The following CDC5L variants were observed in gnomAD, a reference collection of about 807,000 sequenced individuals.
CDC5L encodes the protein cell division cycle 5-like protein.
CDC5L carries 18 observed loss-of-function variants against 104.1 expected under a neutral mutation model. The observed-to-expected ratio is 0.17, with a 90% confidence interval of 0.12 to 0.26. The LOEUF is 0.26. Ranked by LOEUF, CDC5L falls within the 10% of genes least tolerant of loss-of-function variation. The pLI is 1.00. For synonymous variants in CDC5L, 331 were observed against 322.7 expected, an observed-to-expected ratio of 1.03 and a Z score of -0.28; for missense variants, 673 against 956.9, an observed-to-expected ratio of 0.70 and a Z score of 3.91.
chr6:44,429,684 A>C, intron 13 of CDC5L, 29 bp from the exon 14 acceptor site: 1 of 1,598,478 alleles, frequency 6.3e-7, no homozygotes, highest in Non-Finnish European at 8.6e-7. Flanking sequence ...TGTAGTACTT[A>C]AACTTATTGA....
In CDC5L at chr6:44,419,355, C is replaced by T. The variant is rs531724983; in HGVS notation, c.1093-94C>T. ...TTCATTGAGAAAATGAGTAAGGATT[C>T]TGCCTGCTTCAAGATTGGTATAGTA... On this transcript the variant is annotated intron_variant, in intron 8 of 15. Coordinates refer to ENST00000371477, the MANE Select transcript of CDC5L (RefSeq NM_001253.4). The T allele has an allele frequency of 3.5e-6, 4 of 1,129,670 alleles. No individual in the cohort carries two copies. In the East Asian group the frequency reaches 7.1e-5, roughly 20 times the overall value. 70.0% of individuals were successfully genotyped at this position (1,129,670 alleles called of 1,614,324 possible). A position where few individuals can be genotyped will look rare whatever the true frequency, so the allele number is the denominator to read the frequency against.
chr6:44,411,579 CCT>C (rs1791625824), intron 8 of CDC5L, among the ~76,000 whole-genome samples: 1 of 149,822 alleles, frequency 6.7e-6, no homozygotes, highest in Admixed American at 6.7e-5. Context: ...GAGTAAAGCC[CCT>C]CTGTTTTTTG....
chr6:44,426,612 C>T lies in CDC5L; in HGVS notation c.1781C>T (p.Pro594Leu), dbSNP rs758055277. Reference protein sequence around the residue: ...HYDLLHHPYEPSGNKKGKTVG... With the variant: ...HYDLLHHPYELSGNKKGKTVG... ...GACCTTCTACATCACCCTTATGAAC[C>T]ATCTGGAAATAAAAAAGGCAAAACT... Residue 594 changes from proline to leucine, a missense_variant, in exon 13 of 16, where the codon CCA (proline) becomes CTA (leucine). This residue lies in a region of CDC5L where 578 missense variants were observed against 737.0 expected (regional missense o/e 0.78). Transcript: ENST00000371477. 1 of 1,613,284 alleles carries T rather than the reference C, an allele frequency of 6.2e-7. No homozygotes were observed. The highest frequency in any genetic ancestry group is 1.3e-5 in the African/African-American group (1 of 74,828).
intron 8 of CDC5L, among the ~76,000 whole-genome samples, chr6:44,408,875 A>G (rs1791499613): frequency 6.6e-6 from 1 of 152,194 alleles, no homozygotes; most frequent in African/African-American, 2.4e-5. Flanking sequence ...TTCTACCTTC[A>G]TTAGTCTTTT....
intron 1 of CDC5L, among the ~76,000 whole-genome samples, chr6:44,388,927 G>A (rs1282409050): frequency 2.5e-5 from 1 of 39,972 alleles, no homozygotes; most frequent in South Asian, 1.3e-3. Flanking sequence ...TTCTAAATTG[G>A]GATAATAATA....
chr6:44,438,363 C>T (rs1214358704), intron 14 of CDC5L, among the ~76,000 whole-genome samples: 1 of 152,124 alleles, frequency 6.6e-6, no homozygotes, highest in Non-Finnish European at 1.5e-5. Flanking sequence ...ACAACTGATA[C>T]CTAGCTTGTG....
At chr6:44,443,255 T>C (rs1456783142) in intron 14 of CDC5L, among the ~76,000 whole-genome samples, 1 of 151,928 alleles carries the variant, frequency 6.6e-6, no homozygotes, top group Non-Finnish European at 1.5e-5. Context: ...TTATACATGG[T>C]GATATGCTTT....
At position 44,412,814 on chromosome 6, in the gene CDC5L, G is replaced by C. The variant is rs564695250; in HGVS notation, c.1092+4182G>C. Among the ~76,000 whole-genome samples, 99 of 113,466 alleles carry C rather than the reference G, an allele frequency of 8.7e-4. 1 individual carries two copies. The highest frequency in any genetic ancestry group is 1.1e-3 in the Non-Finnish European group (66 of 59,364). The allele number at this position is 113,466 out of a possible 152,430, so 74.4% of individuals were successfully genotyped here. A position where few individuals can be genotyped will look rare whatever the true frequency, so the allele number is the denominator to read the frequency against. ...TTTTTTTTTTTTGAGACGGAGTCTC[G>C]CTCTGTCGCCCAGGCTGGAGTGCAG... On this transcript the variant is annotated intron_variant, in intron 8 of 15. Transcript: ENST00000371477.
At chr6:44,411,946 G>C (rs1490762167) in intron 8 of CDC5L, among the ~76,000 whole-genome samples, 1 of 152,212 alleles carries the variant, frequency 6.6e-6, no homozygotes, top group Non-Finnish European at 1.5e-5. Flanking sequence ...TGTTCGGACA[G>C]ACTGGGAAAG....
At chr6:44,399,887 G>A (rs1342441536) in intron 5 of CDC5L, among the ~76,000 whole-genome samples, 2 of 151,982 alleles carry the variant, frequency 1.3e-5, no homozygotes, top group African/African-American at 4.8e-5. Context: ...TCTTGACCTC[G>A]TGATCTGCCT....
chr6:44,428,019 ATC>A (rs766379850), intron 13 of CDC5L, among the ~76,000 whole-genome samples: 19 of 152,132 alleles, frequency 1.2e-4, no homozygotes, highest in African/African-American at 3.1e-4. Flanking sequence ...ATCTGTGTAT[ATC>A]TCTCTTTGTT....
At chr6:44,431,571 T>C (rs1364143623) in intron 14 of CDC5L, among the ~76,000 whole-genome samples, 1 of 152,204 alleles carries the variant, frequency 6.6e-6, no homozygotes, top group East Asian at 1.9e-4. Context: ...GTAAACTCTT[T>C]TTGCCGCAAA....
intron 9 of CDC5L, among the ~76,000 whole-genome samples, chr6:44,420,601 A>C (rs990203357): frequency 6.6e-6 from 1 of 151,452 alleles, no homozygotes; most frequent in Non-Finnish European, 1.5e-5. Context: ...CAGGTAATCC[A>C]CCCGCCTTGG....
intron 2 of CDC5L, among the ~76,000 whole-genome samples, chr6:44,391,164 T>C (rs1261993895): frequency 6.9e-6 from 1 of 145,728 alleles, no homozygotes; most frequent in Non-Finnish European, 1.5e-5. Context: ...ATTTAATATG[T>C]TATATATTGT....
rs150584599 is a variant in CDC5L at position 44,435,943 on chromosome 6, G to C, written c.2091+6033G>C. ...ATTACAGGTGCCTGCCACCACGCTC[G>C]GCTAATTTTTGTATTTTAGTAGAGA... On this transcript the variant is annotated intron_variant, in intron 14 of 15. Coordinates refer to ENST00000371477, the MANE Select transcript of CDC5L (RefSeq NM_001253.4). Among the ~76,000 whole-genome samples the C allele has an allele frequency of 4.7e-3, 716 of 151,952 alleles. 2 individuals carry two copies. Among genetic ancestry groups the C allele is most frequent in the Non-Finnish European group, 7.6e-3 (517 of 67,946 alleles).
intron 5 of CDC5L, among the ~76,000 whole-genome samples, chr6:44,399,392 T>G (rs1791015549): frequency 6.6e-6 from 1 of 152,220 alleles, no homozygotes; most frequent in Admixed American, 6.5e-5. Context: ...CAATAAATTT[T>G]TCAAAATTTC....
At chr6:44,418,143 C>T (rs1337354267) in intron 8 of CDC5L, among the ~76,000 whole-genome samples, 2 of 152,110 alleles carry the variant, frequency 1.3e-5, no homozygotes, top group Non-Finnish European at 2.9e-5. Context: ...TATCCCTCCC[C>T]TCTCCCCCCA....
At chr6:44,433,521 A>T (rs1792783653) in intron 14 of CDC5L, among the ~76,000 whole-genome samples, 1 of 152,152 alleles carries the variant, frequency 6.6e-6, no homozygotes. Context: ...TAGTATCTAA[A>T]CTGCTGTGTT....
At chr6:44,440,403 G>T (rs564699286) in intron 14 of CDC5L, among the ~76,000 whole-genome samples, 1 of 151,608 alleles carries the variant, frequency 6.6e-6, no homozygotes, top group Admixed American at 6.6e-5. Flanking sequence ...CACCATGCCT[G>T]GCTAAATTTT....
Sources: allele counts gnomAD v4.1 joint callset (sites outside exome capture counted in the v4.1 genomes callset), GRCh38; gene constraint gnomAD v4.1.1; regional missense constraint gnomAD v4.1.1; transcripts MANE v1.5; gene names NCBI Gene and HGNC (gene_info 2026-07-23, HGNC 2026-07-21).